TNFRSF1B: variants seen among roughly 807,000 people sequenced by gnomAD.
TNFRSF1B encodes TNF receptor superfamily member 1B.
In TNFRSF1B, 19 loss-of-function variants were observed where a neutral mutation model predicts 44.6. The observed-to-expected ratio is 0.43, with a 90% CI of 0.30 to 0.62. The LOEUF is 0.62. Ranked by LOEUF, TNFRSF1B falls within the 20% of genes least tolerant of loss-of-function variation. The pLI is 0.16. For synonymous variants in TNFRSF1B, 252 were observed against 261.1 expected, an observed-to-expected ratio of 0.97 and a Z score of 0.34; for missense variants, 541 against 619.9, an observed-to-expected ratio of 0.87 and a Z score of 1.35.
Position 12,183,850 on chromosome 1 carries a change from T to TCTATCTATCTATCTATCTAC in TNFRSF1B, c.79-4943_79-4942insTCTATCTATCTATCTACCTA, listed in dbSNP as rs1390376605. Among the ~76,000 whole-genome samples, 1,192 of 137,346 alleles carry TCTATCTATCTATCTATCTAC rather than the reference T, an allele frequency of 8.7e-3. 25 individuals are homozygous for TCTATCTATCTATCTATCTAC. The highest frequency in any genetic ancestry group is 0.028 in the African/African-American group (1,099 of 38,758). The allele number at this position is 137,346 out of a possible 152,430, so 90.1% of individuals were successfully genotyped here. The stretch of plus-strand genomic sequence containing the variant: ...ACCTATCTATCTATCTATCTATCTA[T>TCTATCTATCTATCTATCTAC]CTACCTACCTACCTACCTACATATC... On this transcript the variant is annotated intron_variant, in intron 1 of 9. Coordinates refer to ENST00000376259, the MANE Select transcript of TNFRSF1B (RefSeq NM_001066.3).
rs373965812 is a variant in TNFRSF1B, at chr1:12,192,846, G to T, written c.552-17G>T. The T allele has an allele frequency of 1.7e-5, 27 of 1,604,220 alleles. No homozygotes were observed. The highest frequency in any genetic ancestry group is 2.2e-5 in the Non-Finnish European group (26 of 1,173,786). Reference sequence around the variant, plus strand: ...CTGTCCCCTGCTGCCTCCTGACCAAGCCTCCTCCTCCTCCAGCTGTAACGT... The same window carrying T: ...CTGTCCCCTGCTGCCTCCTGACCAATCCTCCTCCTCCTCCAGCTGTAACGT... On this transcript the variant is annotated splice_polypyrimidine_tract_variant and intron_variant, in intron 5 of 9. Coordinates refer to ENST00000376259, the MANE Select transcript of TNFRSF1B (RefSeq NM_001066.3).
Position 12,180,107 on chromosome 1 carries a change from G to A in TNFRSF1B, c.79-8689G>A, listed in dbSNP as rs932902306. Among the ~76,000 whole-genome samples the A allele has an allele frequency of 4.6e-5, 7 of 152,104 alleles. No individual in the cohort carries two copies. Among genetic ancestry groups the A allele is most frequent in the Non-Finnish European group, 7.4e-5 (5 of 67,964 alleles). On this transcript the variant is annotated intron_variant, in intron 1 of 9. Transcript: ENST00000376259. The surrounding 1 kb of genome is among the most constrained non-coding windows in gnomAD (Gnocchi z 4.3). ...GAGCATGACCTCTTCCCAAGGGTAC[G>A]GCATCTAAAAGGGATCTCCGGAACA...
At chr1:12,203,629 A>G (rs1048334685) in intron 9 of TNFRSF1B, among the ~76,000 whole-genome samples, 1 of 152,222 alleles carries the variant, frequency 6.6e-6, no homozygotes, top group Non-Finnish European at 1.5e-5. Flanking sequence ...AGTGCCTGGA[A>G]GAGATCAGGG....
chr1:12,167,394 C>T (rs1002117103), intron 1 of TNFRSF1B: 27 of 429,676 alleles, frequency 6.3e-5, no homozygotes, highest in Admixed American at 9.2e-5. Flanking sequence ...ACTCTGGCCC[C>T]CGAAGCCCCT....
chr1:12,171,385 C>T lies in TNFRSF1B; in HGVS notation c.78+4216C>T, dbSNP rs1314184338. ...ACACACACCTGCTCCAGGGCCTTTGCACTTGCTTTCCCCATCACCTCCAAT... is the reference window on the plus strand; with the variant it reads ...ACACACACCTGCTCCAGGGCCTTTGTACTTGCTTTCCCCATCACCTCCAAT... On this transcript the variant is annotated intron_variant, in intron 1 of 9. Coordinates refer to ENST00000376259, the MANE Select transcript of TNFRSF1B (RefSeq NM_001066.3). This position sits in a 1 kb window ranked among gnomAD's most constrained non-coding sequence, Gnocchi z 4.5. Among the ~76,000 whole-genome samples the T allele has an allele frequency of 1.3e-5, 2 of 152,158 alleles. No homozygotes were observed. The highest frequency in any genetic ancestry group is 4.8e-5 in the African/African-American group (2 of 41,434).
chr1:12,177,648 G>A lies in TNFRSF1B; in HGVS notation c.78+10479G>A, dbSNP rs988528894. Among the ~76,000 whole-genome samples the A allele has an allele frequency of 1.3e-5, 2 of 152,186 alleles. No individual in the cohort carries two copies. Among genetic ancestry groups the A allele is most frequent in the Non-Finnish European group, 2.9e-5 (2 of 68,038 alleles). ...CGGGCAGATGCTGGCAGGGCACAGAGAGCCGAGGGCTAAGAGCTGACATTT... is the reference window on the plus strand; with the variant it reads ...CGGGCAGATGCTGGCAGGGCACAGAAAGCCGAGGGCTAAGAGCTGACATTT... On this transcript the variant is annotated intron_variant, in intron 1 of 9. Transcript: ENST00000376259. This position sits in a 1 kb window ranked among gnomAD's most constrained non-coding sequence, Gnocchi z 4.3.
rs1471360405 is a variant in TNFRSF1B, at chr1:12,167,036, G to T, written c.-56G>T. ...AGCGGAGCCTGGAGAGAAGGCGCTG[G>T]GCTGCGAGGGCGCGAGGGCGCGAGG... is the stretch of plus-strand genomic sequence containing the variant. On this transcript the variant is annotated 5_prime_UTR_variant, in exon 1 of 10. Transcript: ENST00000376259. 2 of 1,188,704 alleles carry T rather than the reference G, an allele frequency of 1.7e-6. No homozygotes were observed. Among genetic ancestry groups the T allele is most frequent in the African/African-American group, 3.2e-5 (2 of 62,522 alleles). The allele number at this position is 1,188,704 out of a possible 1,614,324, so 73.6% of individuals were successfully genotyped here.
chr1:12,181,809 T>C (rs545617227), intron 1 of TNFRSF1B, among the ~76,000 whole-genome samples: 56 of 152,194 alleles, frequency 3.7e-4, no homozygotes, highest in Admixed American at 2.6e-3. Context: ...CTGCCCCACA[T>C]CCCAGCCCCC....
chr1:12,206,740 A>G lies in TNFRSF1B; in HGVS notation c.1106A>G (p.Asp369Gly). 1 of 1,580,952 alleles carries G rather than the reference A, an allele frequency of 6.3e-7. No individual in the cohort carries two copies. Among genetic ancestry groups the G allele is most frequent in the Non-Finnish European group, 8.6e-7 (1 of 1,158,326 alleles). ...GEARASTGSS[D>G]SSPGGHGTQV... The stretch of plus-strand genomic sequence containing the variant: ...CCCCACCCCATCTTGTGCTTAGCAG[A>G]TTCTTCCCCTGGTGGCCATGGGACC... The change falls in exon 10 of 10, where the codon GAT (aspartate) becomes GGT (glycine). Residue 369 changes from aspartate to glycine, a missense_variant and splice_region_variant. By Grantham distance (94) the Asp-to-Gly change is moderately conservative. Coordinates refer to ENST00000376259, the MANE Select transcript of TNFRSF1B (RefSeq NM_001066.3).
chr1:12,201,607 T>C (rs555096535), intron 8 of TNFRSF1B, among the ~76,000 whole-genome samples: 42 of 152,226 alleles, frequency 2.8e-4, no homozygotes, highest in African/African-American at 9.6e-4. Flanking sequence ...CTGGGCCATG[T>C]CTCCCTGTGC....
In TNFRSF1B at chr1:12,192,540, C is replaced by T; in HGVS notation, c.551+16C>T. The T allele has an allele frequency of 6.2e-7, 1 of 1,613,280 alleles. No individual in the cohort carries two copies. Among genetic ancestry groups the T allele is most frequent in the Non-Finnish European group, 8.5e-7 (1 of 1,179,394 alleles). ...CCCACCAGATGTGAGTAGCTGAGTC[C>T]TTTGGTTCTGGAGGAGCAGGGAGGG... On this transcript the variant is annotated intron_variant, in intron 5 of 9. Coordinates refer to ENST00000376259, the MANE Select transcript of TNFRSF1B (RefSeq NM_001066.3).
chr1:12,176,629 C>A (rs966086912), intron 1 of TNFRSF1B, among the ~76,000 whole-genome samples: 1 of 152,180 alleles, frequency 6.6e-6, no homozygotes, highest in African/African-American at 2.4e-5. Flanking sequence ...TCAGCCACCA[C>A]ACACACACTC....
chr1:12,168,256 C>T lies in TNFRSF1B; in HGVS notation c.78+1087C>T, dbSNP rs1638439768. 6.6e-6 allele frequency among the ~76,000 whole-genome samples: 1 copy of T among 152,148 alleles called. No homozygotes were observed. Among genetic ancestry groups the T allele is most frequent in the Admixed American group, 6.5e-5 (1 of 15,272 alleles). ...ATCTGCCCCCATCTGACATCTTGAC[C>T]GAGGAGGAAGGTGGGAGGTGGCACT... On this transcript the variant is annotated intron_variant, in intron 1 of 9. Coordinates refer to ENST00000376259, the MANE Select transcript of TNFRSF1B (RefSeq NM_001066.3). This position sits in a 1 kb window ranked among gnomAD's most constrained non-coding sequence, Gnocchi z 4.7.
intron 1 of TNFRSF1B, among the ~76,000 whole-genome samples, chr1:12,182,766 C>T (rs922282131): frequency 6.6e-6 from 1 of 152,246 alleles, no homozygotes; most frequent in Non-Finnish European, 1.5e-5. Flanking sequence ...TGTTTTCCTT[C>T]CTCCCCAGAG....
At position 12,202,161 on chromosome 1, in the gene TNFRSF1B, C is replaced by T. The variant is rs1209894111; in HGVS notation, c.1095C>T (p.Thr365=). The T allele has an allele frequency of 1.9e-5, 30 of 1,548,132 alleles. No individual in the cohort carries two copies. Among genetic ancestry groups the T allele is most frequent in the Non-Finnish European group, 2.3e-5 (26 of 1,148,008 alleles). Residue 365 remains threonine (T), a synonymous_variant, in exon 9 of 10, where the codon ACC becomes ACT. Coordinates refer to ENST00000376259, the MANE Select transcript of TNFRSF1B (RefSeq NM_001066.3). ...ASGAGEARAS[T]GSSDSSPGGH... ...GGGCCGGGGAGGCCCGGGCCAGCAC[C>T]GGGAGCTCAGGTAAGAGGTGGGAGC... is the stretch of plus-strand genomic sequence containing the variant.
chr1:12,191,527 A>C (rs1639128814), intron 3 of TNFRSF1B, among the ~76,000 whole-genome samples: 1 of 146,764 alleles, frequency 6.8e-6, no homozygotes, highest in Non-Finnish European at 1.5e-5. Context: ...GCGGGGGACG[A>C]GCGCGACTGC....
At chr1:12,196,401 A>G (rs949665511) in intron 8 of TNFRSF1B, among the ~76,000 whole-genome samples, 3 of 152,222 alleles carry the variant, frequency 2.0e-5, no homozygotes, top group African/African-American at 7.2e-5. Flanking sequence ...ATTTACTTAC[A>G]TGCCAGCCTC....
intron 3 of TNFRSF1B, among the ~76,000 whole-genome samples, chr1:12,191,516 T>C (rs1639128082): frequency 6.7e-6 from 1 of 149,310 alleles, no homozygotes; most frequent in South Asian, 2.1e-4. Context: ...GGAGCGGGAC[T>C]GCGGGGGACG....
chr1:12,198,385 A>G (rs1257845749), intron 8 of TNFRSF1B, among the ~76,000 whole-genome samples: 1 of 152,166 alleles, frequency 6.6e-6, no homozygotes, highest in Non-Finnish European at 1.5e-5. Context: ...GGCACAGCTA[A>G]TGATCACGGC....
Sources: allele counts gnomAD v4.1 joint callset (sites outside exome capture counted in the v4.1 genomes callset), GRCh38; gene constraint gnomAD v4.1.1; non-coding constraint Gnocchi (gnomAD v3.1); transcripts MANE v1.5; gene names NCBI Gene and HGNC (gene_info 2026-07-23, HGNC 2026-07-21).